Variants in SUMF2 observed in about 807,000 individuals in gnomAD.
The protein encoded by SUMF2 is sulfatase modifying factor 2.
Under a neutral mutation model 44.8 loss-of-function variants are expected in SUMF2, and 45 were observed. The ratio of observed to expected loss-of-function variants is 1.00; its 90% CI spans 0.79 to 1.29. The LOEUF (loss-of-function observed/expected upper bound fraction) is 1.29, where lower values mean the gene tolerates loss of function less well. Among genes scored for constraint, SUMF2 ranks in the 50% most tolerant of loss-of-function variants. SUMF2 has a pLI of 0.00. For synonymous variants in SUMF2, 148 were observed against 150.4 expected (o/e 0.98, Z 0.12); for missense variants, 418 against 389.9 (o/e 1.07, Z -0.61).
In SUMF2 at chr7:56,079,626, G is replaced by A. The variant is rs1795839815; in HGVS notation, c.*14G>A. On this transcript the variant is annotated 3_prime_UTR_variant, in exon 9 of 9. Coordinates refer to ENST00000434526, the MANE Select transcript of SUMF2 (RefSeq NM_015411.4). Reference sequence around the variant, plus strand: ...GGGGAGCTGTAAGCAGCCGGGTGGTGACAAGGAGAAAAGCCTTCTAGGGTC... The same window carrying A: ...GGGGAGCTGTAAGCAGCCGGGTGGTAACAAGGAGAAAAGCCTTCTAGGGTC... The A allele has an allele frequency of 1.2e-6, 2 of 1,614,118 alleles. No homozygotes were observed. The highest frequency in any genetic ancestry group is 2.7e-5 in the African/African-American group (2 of 74,950).
chr7:56,084,387 T>A (rs1796161451), downstream of SUMF2: 1 of 573,712 alleles, frequency 1.7e-6, no homozygotes, highest in Admixed American at 3.2e-5. Flanking sequence ...TTTTTTTTTT[T>A]TTTTGAGATG....
At chr7:56,067,236 G>GTAGAGGAAGA (rs1407711959) in intron 1 of SUMF2, among the ~76,000 whole-genome samples, 1 of 152,186 alleles carries the variant, frequency 6.6e-6, no homozygotes, top group East Asian at 1.9e-4. Flanking sequence ...AAGGACTTGT[G>GTAGAGGAAGA]TAGAGGAAGA....
At chr7:56,082,309 C>A, downstream of SUMF2, 1 of 1,409,782 alleles carries the variant, frequency 7.1e-7, no homozygotes, top group Non-Finnish European at 9.9e-7. Flanking sequence ...AGAGGAAGTC[C>A]AGGCTGGCCG....
downstream of SUMF2, chr7:56,082,199 T>G (rs375996951): frequency 3.7e-6 from 6 of 1,613,806 alleles, no homozygotes; most frequent in African/African-American, 8.0e-5. Flanking sequence ...GTGGTCCTCA[T>G]TCATGGAGCA....
At chr7:56,074,858 G>GATT in intron 5 of SUMF2, 122 bp downstream of exon 5, 1 of 1,290,974 alleles carries the variant, frequency 7.7e-7, no homozygotes, top group Non-Finnish European at 1.1e-6. Flanking sequence ...AACACTTTGG[G>GATT]AGGCTGGGGC....
At chr7:56,087,667 G>A in the SUMF2 span, 3 of 1,613,906 alleles carry the variant, frequency 1.9e-6, no homozygotes, top group Non-Finnish European at 8.5e-7. Context: ...CGCAGCTCCC[G>A]CACCTCCTCC....
chr7:56,073,015 A>G lies in SUMF2; in HGVS notation c.243A>G (p.Lys81=), dbSNP rs769643861. Residue 81 remains lysine (K), a synonymous_variant, in exon 3 of 9, where the codon AAA becomes AAG. Transcript: ENST00000434526. ...NKDFRDFVRE[K]KYRTEAEMFG... ...TTTATAGGGATTTTGTCAGGGAGAAAAAGTATCGGACAGAAGCTGAGATGT... is the reference window on the plus strand; with the variant it reads ...TTTATAGGGATTTTGTCAGGGAGAAGAAGTATCGGACAGAAGCTGAGATGT... The G allele has an allele frequency of 4.3e-6, 7 of 1,613,858 alleles. No homozygotes were observed. Among genetic ancestry groups the G allele is most frequent in the African/African-American group, 2.7e-5 (2 of 74,900 alleles).
chr7:56,068,439 T>C (rs1231070282), intron 1 of SUMF2, 43 bp from the exon 2 acceptor site: 8 of 1,542,850 alleles, frequency 5.2e-6, no homozygotes, highest in Non-Finnish European at 7.0e-6. Context: ...ACTTGTTTTA[T>C]ATATATGCAT....
chr7:56,086,593 A>T, the SUMF2 span, among the ~76,000 whole-genome samples: 1 of 150,598 alleles, frequency 6.6e-6, no homozygotes, highest in African/African-American at 2.4e-5. Flanking sequence ...GGTTCAAGCG[A>T]TTCTCCTGCC....
intron 1 of SUMF2, among the ~76,000 whole-genome samples, chr7:56,066,082 C>CAAAAAAAAAAAAAAAAAAAAAATAA (rs1794769307): frequency 1.4e-5 from 1 of 69,688 alleles, no homozygotes; most frequent in Non-Finnish European, 2.6e-5. Flanking sequence ...CTCCGCCTCA[C>CAAAAAAAAAAAAAAAAAAAAAATAA]AAAAAAAAAA....
chr7:56,078,540 C>T, intron 8 of SUMF2, 32 bp downstream of exon 8: 2 of 1,514,930 alleles, frequency 1.3e-6, no homozygotes, highest in South Asian at 2.7e-5. Flanking sequence ...AACACGGGGC[C>T]TTGTAGCTGG....
Position 56,078,435 on chromosome 7 carries a change from C to G in SUMF2, c.748C>G (p.Arg250Gly), listed in dbSNP as rs766469498. ...GTACCAGGCTGCTGAGCAGGACATG[C>G]GCGTCCTCCGGGGGGCATCCTGGAT... The part of the protein sequence containing the change: ...SPYQAAEQDM[R>G]VLRGASWIDT... Residue 250 changes from arginine to glycine, a missense_variant, in exon 8 of 9, where the codon CGC becomes GGC. By Grantham distance (125) the Arg-to-Gly change is moderately radical (BLOSUM62 -2). Coordinates refer to ENST00000434526, the MANE Select transcript of SUMF2 (RefSeq NM_015411.4). 16 of 1,610,332 alleles carry G rather than the reference C, an allele frequency of 9.9e-6. No individual in the cohort carries two copies. The highest frequency in any genetic ancestry group is 1.4e-5 in the Non-Finnish European group (16 of 1,178,004).
At chr7:56,066,082 C>CAAAAAAAAAAAAAAAAAAAAAAAACAA (rs71015176) in intron 1 of SUMF2, among the ~76,000 whole-genome samples, 1 of 69,684 alleles carries the variant, frequency 1.4e-5, no homozygotes, top group Non-Finnish European at 2.6e-5. Flanking sequence ...CTCCGCCTCA[C>CAAAAAAAAAAAAAAAAAAAAAAAACAA]AAAAAAAAAA....
At chr7:56,065,190 C>CAAA (rs60513641) in intron 1 of SUMF2, among the ~76,000 whole-genome samples, 9 of 56,500 alleles carry the variant, frequency 1.6e-4, no homozygotes, top group Admixed American at 2.2e-4. Flanking sequence ...GACTCCGTCT[C>CAAA]AAAAAAAAAA....
chr7:56,083,368 G>A (rs539584077), downstream of SUMF2: 6 of 1,614,130 alleles, frequency 3.7e-6, no homozygotes, highest in African/African-American at 1.3e-5. Flanking sequence ...ATGTTCTCGG[G>A]CTTCAGGTCC....
chr7:56,076,057 C>T (rs1193872617), intron 5 of SUMF2, among the ~76,000 whole-genome samples: 2 of 127,898 alleles, frequency 1.6e-5, no homozygotes, highest in Non-Finnish European at 3.2e-5. Context: ...GACAGAGTGT[C>T]GCTGTGTCGC....
At chr7:56,087,862 C>T in the SUMF2 span, 1 of 1,063,874 alleles carries the variant, frequency 9.4e-7, no homozygotes, top group South Asian at 1.4e-5. Context: ...AGATGTCCTG[C>T]CCTTGACAGA....
At chr7:56,086,849 ATTG>A in the SUMF2 span, 3 of 807,930 alleles carry the variant, frequency 3.7e-6, no homozygotes, top group Non-Finnish European at 6.6e-6. Context: ...AAACACCGTG[ATTG>A]TATTTGGCAT....
At chr7:56,071,937 C>A (rs183740712) in intron 2 of SUMF2, among the ~76,000 whole-genome samples, 2 of 150,746 alleles carry the variant, frequency 1.3e-5, no homozygotes, top group Non-Finnish European at 3.0e-5. Context: ...TGGTGAAACC[C>A]GTCTCTACTA....
Sources: allele counts gnomAD v4.1 joint callset (sites outside exome capture counted in the v4.1 genomes callset), GRCh38; gene constraint gnomAD v4.1.1; transcripts MANE v1.5; gene names NCBI Gene and HGNC (gene_info 2026-07-23, HGNC 2026-07-21).